The following SMARCAL1 variants were observed in gnomAD, a reference collection of about 807,000 sequenced individuals.
SMARCAL1 encodes ATP-driven annealing helicase.
A neutral mutation model predicts 94.5 loss-of-function variants in SMARCAL1; 58 were observed. The ratio of observed to expected loss-of-function variants is 0.61; its 90% CI spans 0.50 to 0.76. The LOEUF is 0.76. SMARCAL1 is among the 30% of genes least tolerant of loss of function. The pLI is 0.00. For missense variants in SMARCAL1, 1,051 were observed against 1,177.9 expected, an observed-to-expected ratio of 0.89 and a Z score of 1.58; for synonymous variants, 422 against 455.1, an observed-to-expected ratio of 0.93 and a Z score of 0.93.
chr2:216,463,061 T>A (rs951919408), intron 12 of SMARCAL1, among the ~76,000 whole-genome samples: 1 of 152,326 alleles, frequency 6.6e-6, no homozygotes. Flanking sequence ...TAGTTTTAGG[T>A]ACAGTCTGGC....
intron 10 of SMARCAL1, among the ~76,000 whole-genome samples, chr2:216,441,393 T>G (rs571857948): frequency 6.6e-6 from 1 of 152,332 alleles, no homozygotes; most frequent in East Asian, 1.9e-4. Context: ...TATATAAATA[T>G]ATGAAAGTAG....
chr2:216,431,770 C>T (rs1177342339), intron 7 of SMARCAL1, among the ~76,000 whole-genome samples: 1 of 152,196 alleles, frequency 6.6e-6, no homozygotes, highest in Non-Finnish European at 1.5e-5. Context: ...TATTCATGAA[C>T]TATTAGCAAG....
rs1574484390 is a variant in SMARCAL1, at chr2:216,475,521, C to T, written c.2427+70C>T. Reference sequence around the variant, plus strand: ...GCTGTGGGCAGGAAGCAGTGAGTGTCGGTCGGGGAAAGTGTGGTTTCCCTT... The same window carrying T: ...GCTGTGGGCAGGAAGCAGTGAGTGTTGGTCGGGGAAAGTGTGGTTTCCCTT... On this transcript the variant is annotated intron_variant, in intron 15 of 17. Transcript: ENST00000357276. This position sits in a 1 kb window ranked among gnomAD's most constrained non-coding sequence, Gnocchi z 4.4. The T allele has an allele frequency of 4.6e-6, 7 of 1,514,664 alleles. No homozygotes were observed. The highest frequency in any genetic ancestry group is 1.1e-5 in the South Asian group (1 of 88,828). The allele number at this position is 1,514,664 out of a possible 1,614,324, so 93.8% of individuals were successfully genotyped here. A position where few individuals can be genotyped will look rare whatever the true frequency, so the allele number is the denominator to read the frequency against.
At chr2:216,453,884 C>T (rs1280269504) in intron 12 of SMARCAL1, among the ~76,000 whole-genome samples, 1 of 152,154 alleles carries the variant, frequency 6.6e-6, no homozygotes, top group Non-Finnish European at 1.5e-5. Context: ...TCACAGGAGC[C>T]AAGGTGAAGG....
intron 11 of SMARCAL1, among the ~76,000 whole-genome samples, chr2:216,448,263 A>G (rs564749626): frequency 6.6e-6 from 1 of 152,344 alleles, no homozygotes; most frequent in Non-Finnish European, 1.5e-5. Flanking sequence ...GACTGATGCT[A>G]TATAGTTTTC....
chr2:216,465,416 C>T (rs1174449544), intron 13 of SMARCAL1, among the ~76,000 whole-genome samples: 1 of 152,216 alleles, frequency 6.6e-6, no homozygotes, highest in Non-Finnish European at 1.5e-5. Context: ...TATGGGGATA[C>T]TTGGGTCTTC....
chr2:216,477,229 C>T lies in SMARCAL1; in HGVS notation c.2528+20C>T, dbSNP rs1211020466. The T allele has an allele frequency of 1.9e-6, 3 of 1,542,674 alleles. No homozygotes were observed. The African/African-American group carries it at 4.1e-5, about 21-fold the overall frequency. ...CCTTTGGTATGGCTTGGTTGGGTGG[C>T]CTGGCAGTTGGAGTCGAGCAAGGGT... On this transcript the variant is annotated intron_variant, in intron 16 of 17. Transcript: ENST00000357276.
chr2:216,469,535 C>G (rs537267708), intron 14 of SMARCAL1, among the ~76,000 whole-genome samples: 1 of 152,090 alleles, frequency 6.6e-6, no homozygotes, highest in Non-Finnish European at 1.5e-5. Flanking sequence ...CCGCCCGCCT[C>G]GGCCTCCCAA....
intron 13 of SMARCAL1, among the ~76,000 whole-genome samples, chr2:216,467,381 G>A (rs1694850119): frequency 6.8e-6 from 1 of 148,134 alleles, no homozygotes; most frequent in Admixed American, 6.9e-5. Context: ...TGAGGCAAGA[G>A]AATTGCTTGA....
chr2:216,474,128 C>CTTTTTTTTTTTTTTTTTT (rs1182416023), intron 14 of SMARCAL1, among the ~76,000 whole-genome samples: 4 of 64,894 alleles, frequency 6.2e-5, no homozygotes, highest in African/African-American at 1.7e-4. Context: ...GTATAGCATT[C>CTTTTTTTTTTTTTTTTTT]TTTTTTTTTT....
chr2:216,427,088 C>G (rs1246418666), intron 6 of SMARCAL1: 1 of 152,220 alleles, frequency 6.6e-6, no homozygotes, highest in Non-Finnish European at 1.5e-5. Flanking sequence ...TCTCAACAAT[C>G]TTGTCTTGTT....
chr2:216,433,923 A>G, intron 8 of SMARCAL1, among the ~76,000 whole-genome samples: 1 of 143,958 alleles, frequency 6.9e-6, no homozygotes, highest in East Asian at 2.0e-4. Context: ...AAGAGATGGC[A>G]AAAAAAAAAA....
chr2:216,418,039 G>A (rs1040548474), intron 4 of SMARCAL1, among the ~76,000 whole-genome samples: 1 of 152,066 alleles, frequency 6.6e-6, no homozygotes, highest in Admixed American at 6.5e-5. Flanking sequence ...TCCTGCCTCA[G>A]CCTCCTGAGT....
chr2:216,422,407 C>T lies in SMARCAL1; in HGVS notation c.1097-1226C>T, dbSNP rs750943534. On this transcript the variant is annotated intron_variant, in intron 5 of 17. Coordinates refer to ENST00000357276, the MANE Select transcript of SMARCAL1 (RefSeq NM_014140.4). ...CAAATACAGTGATATGTGTCTATCA[C>T]CAGCCTGTGAGATCACACTCCTGAC... is the stretch of plus-strand genomic sequence containing the variant. Among the ~76,000 whole-genome samples the T allele has an allele frequency of 3.5e-4, 53 of 152,140 alleles. 1 individual carries two copies. The highest frequency in any genetic ancestry group is 1.2e-3 in the African/African-American group (50 of 41,412).
intron 6 of SMARCAL1, among the ~76,000 whole-genome samples, chr2:216,426,876 G>A (rs1001767522): frequency 5.9e-5 from 9 of 152,292 alleles, no homozygotes; most frequent in East Asian, 1.9e-4. Context: ...GTTAGTGAAC[G>A]TGTGCATAGG....
intron 10 of SMARCAL1, 92 bp downstream of exon 10, chr2:216,438,577 C>A: frequency 9.5e-7 from 1 of 1,053,620 alleles, no homozygotes; most frequent in Non-Finnish European, 1.4e-6. Context: ...GCAGGGGTTG[C>A]AAGTATAGAC....
Position 216,482,932 on chromosome 2 carries a change from A to T in SMARCAL1, c.2820A>T (p.Arg940Ser). The T allele has an allele frequency of 6.2e-7, 1 of 1,614,222 alleles. No homozygotes were observed. Among genetic ancestry groups the T allele is most frequent in the South Asian group, 1.1e-5 (1 of 91,088 alleles). ...CAGCCAGTCCACAGAAGAAAAGGAG[A>T]TTTGAATTTTTTGATAACTGGGACA... ...SLTASPQKKRRFEFFDNWDSF... is the reference protein window; with the variant it reads ...SLTASPQKKRSFEFFDNWDSF... Residue 940 changes from arginine (R) to serine (S), a missense_variant, in exon 18 of 18, where the codon AGA becomes AGT. This residue lies in a region of SMARCAL1 where 642 missense variants were observed against 754.7 expected (regional missense o/e 0.85). Transcript: ENST00000357276. This position sits in a 1 kb window ranked among gnomAD's most constrained non-coding sequence, Gnocchi z 4.3.
intron 13 of SMARCAL1, among the ~76,000 whole-genome samples, chr2:216,465,490 C>T (rs1694812698): frequency 6.6e-6 from 1 of 152,208 alleles, no homozygotes; most frequent in Non-Finnish European, 1.5e-5. Context: ...AAAGTTTGTT[C>T]AAAAGATATG....
Position 216,482,949 on chromosome 2 carries a change from A to C in SMARCAL1, c.2837A>C (p.Asn946Thr), listed in dbSNP as rs1457757664. 3.1e-6 allele frequency: 5 copies of C among 1,614,062 alleles called. No homozygotes were observed. Among genetic ancestry groups the C allele is most frequent in the African/African-American group, 1.3e-5 (1 of 74,936 alleles). Residue 946 changes from asparagine (N) to threonine (T), a missense_variant, in exon 18 of 18, where the codon AAC (asparagine) becomes ACC (threonine). By Grantham distance (65) the Asn-to-Thr change is moderately conservative. This residue lies in a region of SMARCAL1 where 642 missense variants were observed against 754.7 expected (regional missense o/e 0.85). Transcript: ENST00000357276. The surrounding 1 kb of genome is among the most constrained non-coding windows in gnomAD (Gnocchi z 4.3). The stretch of plus-strand genomic sequence containing the variant: ...AAAAGGAGATTTGAATTTTTTGATA[A>C]CTGGGACAGCTTTACGTCTCCCCTG... Reference protein sequence around the residue: ...QKKRRFEFFDNWDSFTSPL With the variant: ...QKKRRFEFFDTWDSFTSPL
Sources: allele counts gnomAD v4.1 joint callset (sites outside exome capture counted in the v4.1 genomes callset), GRCh38; gene constraint gnomAD v4.1.1; regional missense constraint gnomAD v4.1.1; non-coding constraint Gnocchi (gnomAD v3.1); transcripts MANE v1.5; gene names NCBI Gene and HGNC (gene_info 2026-07-23, HGNC 2026-07-21).